DNAH9: variants seen among roughly 807,000 people sequenced by gnomAD.
The protein encoded by DNAH9 is dynein axonemal heavy chain 9, also known as DNAH9 variant protein.
In DNAH9, 345 loss-of-function variants were observed where a neutral mutation model predicts 471.6. The observed-to-expected ratio is 0.73, with a 90% CI of 0.67 to 0.80. DNAH9 has a LOEUF of 0.80. Among genes scored for constraint, DNAH9 ranks in the 30% least tolerant of loss-of-function variants. DNAH9 has a pLI of 0.00. For missense variants in DNAH9, 5,407 were observed against 5,609.2 expected (o/e 0.96, Z 1.15); for synonymous variants, 2,093 against 2,123.6 (o/e 0.99, Z 0.40).
intron 67 of DNAH9, among the ~76,000 whole-genome samples, chr17:11,948,222 CTCT>C (rs1439947800): frequency 6.7e-5 from 9 of 133,742 alleles, no homozygotes; most frequent in African/African-American, 9.4e-5. Context: ...TCTAATCTGG[CTCT>C]TTTTTTTTTT....
intron 50 of DNAH9, among the ~76,000 whole-genome samples, chr17:11,858,657 T>C (rs1971709761): frequency 6.6e-6 from 1 of 152,256 alleles, no homozygotes; most frequent in Non-Finnish European, 1.5e-5. Context: ...TATCTATTTT[T>C]TGATGTATCT....
At chr17:11,915,392 C>T (rs1973914889) in intron 61 of DNAH9, among the ~76,000 whole-genome samples, 1 of 152,100 alleles carries the variant, frequency 6.6e-6, no homozygotes, top group South Asian at 2.1e-4. Flanking sequence ...GGCATGGTGG[C>T]ACGCACCTGT....
chr17:11,903,549 G>C (rs1043968103), intron 60 of DNAH9, among the ~76,000 whole-genome samples: 20 of 152,140 alleles, frequency 1.3e-4, no homozygotes, highest in African/African-American at 4.8e-4. Context: ...AAAGAAAAAA[G>C]AAGTTGTAGG....
At chr17:11,746,700 T>C (rs2150842699) in intron 31 of DNAH9, among the ~76,000 whole-genome samples, 1 of 152,220 alleles carries the variant, frequency 6.6e-6, no homozygotes, top group Non-Finnish European at 1.5e-5. Context: ...AGGAATGAAA[T>C]TTAAAAGGAG....
intron 27 of DNAH9, among the ~76,000 whole-genome samples, chr17:11,727,003 G>A (rs529596562): frequency 1.7e-5 from 2 of 118,638 alleles, no homozygotes; most frequent in African/African-American, 6.5e-5. Flanking sequence ...AGCCAAGATC[G>A]CACCACTGCA....
chr17:11,629,376 G>A (rs370692524), intron 6 of DNAH9, 41 bp from the exon 7 acceptor site: 4 of 1,569,880 alleles, frequency 2.5e-6, no homozygotes, highest in South Asian at 1.1e-5. Flanking sequence ...GCGATAGTTT[G>A]CTGAGAATGA....
intron 41 of DNAH9, among the ~76,000 whole-genome samples, chr17:11,785,392 C>A (rs1292409256): frequency 6.6e-6 from 1 of 152,130 alleles, no homozygotes; most frequent in Non-Finnish European, 1.5e-5. Flanking sequence ...ACACCACCTT[C>A]CAATGACAGC....
At chr17:11,650,931 A>T in intron 12 of DNAH9, 138 bp from the exon 13 acceptor site, 1 of 874,058 alleles carries the variant, frequency 1.1e-6, no homozygotes, top group Non-Finnish European at 1.7e-6. Flanking sequence ...GACTAGATTT[A>T]AGAAACTGAT....
At chr17:11,757,749 T>G in intron 35 of DNAH9, 57 bp downstream of exon 35, 2 of 1,562,728 alleles carry the variant, frequency 1.3e-6, no homozygotes, top group Non-Finnish European at 1.7e-6. Context: ...AGCCCATGGG[T>G]TCACACCTAG....
Position 11,937,970 on chromosome 17 carries a change from T to C in DNAH9, c.12660+448T>C, listed in dbSNP as rs939355532. Among the ~76,000 whole-genome samples the C allele has an allele frequency of 2.6e-5, 4 of 152,210 alleles. No individual in the cohort carries two copies. The highest frequency in any genetic ancestry group is 5.9e-5 in the Non-Finnish European group (4 of 68,036). On this transcript the variant is annotated intron_variant, in intron 66 of 68. Coordinates refer to ENST00000262442, the MANE Select transcript of DNAH9 (RefSeq NM_001372.4). This position sits in a 1 kb window ranked among gnomAD's most constrained non-coding sequence, Gnocchi z 4.1. Reference sequence around the variant, plus strand: ...TGGGGAAGAACACAGTCCTTCATAATGCAAACGCCTTCCCTTCGTGTGAAT... The same window carrying C: ...TGGGGAAGAACACAGTCCTTCATAACGCAAACGCCTTCCCTTCGTGTGAAT...
At chr17:11,603,181 C>T (rs147224261) in intron 1 of DNAH9, among the ~76,000 whole-genome samples, 41 of 152,294 alleles carry the variant, frequency 2.7e-4, no homozygotes, top group African/African-American at 8.2e-4. Flanking sequence ...TTTAAATACA[C>T]GACCTCTCGA....
At chr17:11,779,820 G>GAC (rs1226225604) in intron 38 of DNAH9, among the ~76,000 whole-genome samples, 3 of 152,180 alleles carry the variant, frequency 2.0e-5, no homozygotes, top group Non-Finnish European at 4.4e-5. Flanking sequence ...ATGTTAATTG[G>GAC]ATGCTAATTA....
intron 49 of DNAH9, among the ~76,000 whole-genome samples, chr17:11,850,938 T>C (rs938616718): frequency 5.3e-5 from 8 of 152,144 alleles, no homozygotes; most frequent in African/African-American, 1.9e-4. Context: ...CCTGCTCTCA[T>C]GAAGAGGAGG....
chr17:11,783,293 CT>C (rs1968736601), intron 39 of DNAH9, among the ~76,000 whole-genome samples: 1 of 152,190 alleles, frequency 6.6e-6, no homozygotes, highest in Non-Finnish European at 1.5e-5. Context: ...TTAGACACCC[CT>C]GCTGAAGTCA....
intron 67 of DNAH9, among the ~76,000 whole-genome samples, chr17:11,958,982 ATCAG>A (rs1975845563): frequency 6.6e-6 from 1 of 152,176 alleles, no homozygotes; most frequent in Non-Finnish European, 1.5e-5. Context: ...AGATTCAAAA[ATCAG>A]TCAGTGAAGT....
intron 4 of DNAH9, among the ~76,000 whole-genome samples, chr17:11,615,705 G>A (rs1003326996): frequency 1.3e-5 from 2 of 152,006 alleles, no homozygotes; most frequent in African/African-American, 4.8e-5. Flanking sequence ...CAAGTATTGT[G>A]CTCTTAAAAA....
chr17:11,937,610 G>A lies in DNAH9; in HGVS notation c.12660+88G>A. 1 of 1,450,730 alleles carries A rather than the reference G, an allele frequency of 6.9e-7. No homozygotes were observed. The highest frequency in any genetic ancestry group is 9.2e-7 in the Non-Finnish European group (1 of 1,084,974). The allele number at this position is 1,450,730 out of a possible 1,614,324, so 89.9% of individuals were successfully genotyped here. A position where few individuals can be genotyped will look rare whatever the true frequency, so the allele number is the denominator to read the frequency against. Reference sequence around the variant, plus strand: ...CTTTCTCCTGCTGGCCATTTTGGCAGTACACAGCATAGACAACACACAAAG... The same window carrying A: ...CTTTCTCCTGCTGGCCATTTTGGCAATACACAGCATAGACAACACACAAAG... On this transcript the variant is annotated intron_variant, in intron 66 of 68. Coordinates refer to ENST00000262442, the MANE Select transcript of DNAH9 (RefSeq NM_001372.4). This position sits in a 1 kb window ranked among gnomAD's most constrained non-coding sequence, Gnocchi z 4.1.
intron 28 of DNAH9, among the ~76,000 whole-genome samples, chr17:11,731,689 T>G (rs1426214553): frequency 2.0e-5 from 3 of 152,058 alleles, no homozygotes; most frequent in African/African-American, 7.2e-5. Flanking sequence ...TGAGAATGAT[T>G]GTTTCCAGCT....
In DNAH9 at chr17:11,598,641, G is replaced by A. The variant is rs2072311503; in HGVS notation, c.143G>A (p.Gly48Glu). ...GCGGGCGCCTGGGAGCGTTGCGCGG[G>A]GAGTGCTGAGGCGGAGCAGCTGCTC... Reference protein sequence around the residue: ...PAAGAWERCAGSAEAEQLLQA... With the variant: ...PAAGAWERCAESAEAEQLLQA... Residue 48 changes from glycine to glutamate, a missense_variant, in exon 1 of 69, where the codon GGG becomes GAG. Coordinates refer to ENST00000262442, the MANE Select transcript of DNAH9 (RefSeq NM_001372.4). 1 of 1,343,184 alleles carries A rather than the reference G, an allele frequency of 7.4e-7. No homozygotes were observed. Among genetic ancestry groups the A allele is most frequent in the Non-Finnish European group, 9.5e-7 (1 of 1,051,584 alleles). 83.2% of individuals were successfully genotyped at this position (1,343,184 alleles called of 1,614,324 possible).
Sources: gnomAD v4.1 joint callset for allele counts (sites outside exome capture counted in the v4.1 genomes callset) on GRCh38, gnomAD v4.1.1 for gene constraint, Gnocchi (gnomAD v3.1) non-coding constraint, MANE v1.5 for transcripts, NCBI Gene and HGNC (gene_info 2026-07-23, HGNC 2026-07-21) for gene names.